Variants in INPP5B observed in about 807,000 individuals in gnomAD.
INPP5B encodes the protein type II inositol 1,4,5-trisphosphate 5-phosphatase.
In INPP5B, 90 loss-of-function variants were observed where a neutral mutation model predicts 118.5. That is an observed-to-expected ratio of 0.76 (90% CI 0.64 to 0.90). The LOEUF (loss-of-function observed/expected upper bound fraction) is 0.90. INPP5B is among the 40% of genes least tolerant of loss of function. The pLI, the probability that INPP5B is intolerant of heterozygous loss-of-function variation, is 0.00. For synonymous variants in INPP5B, 385 were observed against 418.9 expected, an observed-to-expected ratio of 0.92 and a Z score of 0.99; for missense variants, 984 against 1,125.6, an observed-to-expected ratio of 0.87 and a Z score of 1.80.
chr1:37,937,843 C>G (rs1307681733), intron 6 of INPP5B, among the ~76,000 whole-genome samples: 1 of 151,698 alleles, frequency 6.6e-6, no homozygotes, highest in Non-Finnish European at 1.5e-5. Flanking sequence ...TGGCAGGTGC[C>G]TGTAATCCTA....
intron 13 of INPP5B, 197 bp from the exon 14 acceptor site, chr1:37,883,115 C>T (rs1333488097): frequency 6.1e-6 from 6 of 985,188 alleles, no homozygotes; most frequent in African/African-American, 1.7e-5. Context: ...TTATCTTGGT[C>T]CAAGTTCATT....
intron 5 of INPP5B, 148 bp downstream of exon 5, chr1:37,943,490 GCC>G: frequency 1.4e-6 from 1 of 736,618 alleles, no homozygotes; most frequent in South Asian, 1.8e-5. Flanking sequence ...TGGGAGATGA[GCC>G]CACGGAGATG....
chr1:37,932,594 C>T (rs1045136538), intron 6 of INPP5B, among the ~76,000 whole-genome samples: 6 of 152,082 alleles, frequency 3.9e-5, no homozygotes, highest in Non-Finnish European at 5.9e-5. Flanking sequence ...GTCTTGATCT[C>T]CTGACCTCAT....
In INPP5B at chr1:37,873,044, G is replaced by A. The variant is rs1642559624; in HGVS notation, c.2073C>T (p.Tyr691=). The A allele has an allele frequency of 6.2e-7, 1 of 1,614,058 alleles. No individual in the cohort carries two copies. Among genetic ancestry groups the A allele is most frequent in the African/African-American group, 1.3e-5 (1 of 74,926 alleles). ...LVLHLDRGKD[Y]FLSVSGNYLP... ...GGTAGTTCCCAGACACAGACAAAAA[G>A]TAATCCTTTCCCCTGTCCAAGTGCA... is the stretch of plus-strand genomic sequence containing the variant. Residue 691 remains tyrosine (Y), a synonymous_variant, in exon 19 of 24, where the codon TAC becomes TAT. Transcript: ENST00000373024.
chr1:37,940,939 T>C (rs994388921), intron 5 of INPP5B, 141 bp from the exon 6 acceptor site: 1 of 590,692 alleles, frequency 1.7e-6, no homozygotes, highest in Non-Finnish European at 3.0e-6. Context: ...GGACAGCTGC[T>C]GGGACAACAA....
chr1:37,927,205 G>A (rs1265947532), intron 7 of INPP5B, among the ~76,000 whole-genome samples: 1 of 152,068 alleles, frequency 6.6e-6, no homozygotes, highest in Non-Finnish European at 1.5e-5. Context: ...TAAGGCAGGA[G>A]AATTACTTGA....
chr1:37,931,715 C>T (rs199679630), intron 7 of INPP5B, 198 bp downstream of exon 7: 48 of 1,554,376 alleles, frequency 3.1e-5, no homozygotes, highest in Non-Finnish European at 3.7e-5. Flanking sequence ...GCAGACATTT[C>T]CCTGCCTGCT....
At chr1:37,897,577 C>T (rs1468974599) in intron 7 of INPP5B, among the ~76,000 whole-genome samples, 1 of 150,154 alleles carries the variant, frequency 6.7e-6, no homozygotes, top group Non-Finnish European at 1.5e-5. Flanking sequence ...ATCTCAAGTA[C>T]CCAGGGACAC....
At chr1:37,872,165 C>G (rs12738927) in intron 19 of INPP5B, among the ~76,000 whole-genome samples, 136,135 of 149,910 alleles carry the variant, frequency 0.91, 62,733 homozygotes, top group Non-Finnish European at 0.99. Context: ...TTGGGAGTTC[C>G]AGACCTGTCT....
chr1:37,942,965 C>T lies in INPP5B; in HGVS notation c.280+675G>A, dbSNP rs1229949949. On this transcript the variant is annotated intron_variant, in intron 5 of 23. Coordinates refer to ENST00000373024, the MANE Select transcript of INPP5B (RefSeq NM_005540.3). Reference sequence around the variant, plus strand: ...GGAGGGAGGGACAGACACATGTATCCATGGGATACAAAACAATTTCAGGAT... The same window carrying T: ...GGAGGGAGGGACAGACACATGTATCTATGGGATACAAAACAATTTCAGGAT... 4.0e-5 allele frequency among the ~76,000 whole-genome samples: 6 copies of T among 151,776 alleles called. No homozygotes were observed. In the East Asian group the frequency reaches 1.2e-3, roughly 29 times the overall value.
intron 7 of INPP5B, chr1:37,930,681 A>G (rs1645421675): frequency 6.6e-6 from 1 of 152,262 alleles, no homozygotes; most frequent in Non-Finnish European, 1.5e-5. Flanking sequence ...TGATGGCTGC[A>G]ATGAAGGAGA....
intron 16 of INPP5B, among the ~76,000 whole-genome samples, chr1:37,877,212 T>C (rs904175361): frequency 2.0e-5 from 3 of 150,764 alleles, no homozygotes; most frequent in Non-Finnish European, 1.5e-5. Context: ...CGTGGTGTAA[T>C]GTGCCTGTAA....
chr1:37,917,484 C>T (rs1256124961), intron 7 of INPP5B, among the ~76,000 whole-genome samples: 2 of 150,904 alleles, frequency 1.3e-5, no homozygotes, highest in Admixed American at 1.3e-4. Context: ...CCACCACACC[C>T]GGATAATTTT....
chr1:37,915,020 A>G (rs1276313349), intron 7 of INPP5B, among the ~76,000 whole-genome samples: 1 of 152,226 alleles, frequency 6.6e-6, no homozygotes, highest in Non-Finnish European at 1.5e-5. Context: ...TAAGTCAACA[A>G]GCTACAGTAA....
At chr1:37,905,192 G>C (rs978139808) in intron 7 of INPP5B, among the ~76,000 whole-genome samples, 5 of 152,180 alleles carry the variant, frequency 3.3e-5, no homozygotes, top group Admixed American at 6.5e-5. Flanking sequence ...CCTGAAGTCA[G>C]GAGTTCAAGA....
intron 7 of INPP5B, among the ~76,000 whole-genome samples, chr1:37,904,087 G>A (rs1373164917): frequency 2.6e-5 from 4 of 152,122 alleles, no homozygotes; most frequent in Non-Finnish European, 5.9e-5. Flanking sequence ...AGAACTTTGG[G>A]AGGCCGAGGC....
intron 21 of INPP5B, 53 bp downstream of exon 21, chr1:37,866,406 T>TCTCTCTCTCTCA (rs748938943): frequency 1.0e-3 from 417 of 404,254 alleles, no homozygotes; most frequent in Non-Finnish European, 1.4e-3. Flanking sequence ...TCTCTCTCTC[T>TCTCTCTCTCTCA]CACACACACA....
intron 23 of INPP5B, among the ~76,000 whole-genome samples, 156 bp from the exon 24 acceptor site, chr1:37,862,586 G>A (rs1641764592): frequency 6.6e-6 from 1 of 152,176 alleles, no homozygotes; most frequent in African/African-American, 2.4e-5. Flanking sequence ...TCACAAACCT[G>A]TACTTACACA....
intron 3 of INPP5B, among the ~76,000 whole-genome samples, chr1:37,944,336 T>C (rs750401749): frequency 1.3e-5 from 2 of 152,198 alleles, no homozygotes; most frequent in African/African-American, 4.8e-5. Flanking sequence ...CTTTGACAAC[T>C]ATTACTCTCT....
Sources: gnomAD v4.1 joint callset for allele counts (sites outside exome capture counted in the v4.1 genomes callset) on GRCh38, gnomAD v4.1.1 for gene constraint, MANE v1.5 for transcripts, NCBI Gene and HGNC (gene_info 2026-07-23, HGNC 2026-07-21) for gene names.